The following CNTN5 variants were observed in gnomAD, a reference collection of about 807,000 sequenced individuals.
The protein encoded by CNTN5 is contactin-5.
Under a neutral mutation model 129.1 loss-of-function variants are expected in CNTN5, and 77 were observed. That is an observed-to-expected ratio of 0.60 (90% CI 0.50 to 0.72). CNTN5 has a LOEUF of 0.72. CNTN5 is among the 30% of genes least tolerant of loss of function. CNTN5 has a pLI of 0.00. For synonymous variants in CNTN5, 509 were observed against 465.6 expected (o/e 1.09, Z -1.20); for missense variants, 1,478 against 1,328.8 (o/e 1.11, Z -1.75).
intron 4 of CNTN5, 129 bp from the exon 5 acceptor site, chr11:99,844,723 T>C (rs1384279402): frequency 1.3e-6 from 1 of 795,024 alleles, no homozygotes; most frequent in Non-Finnish European, 2.0e-6. Flanking sequence ...ATTCCTTCTT[T>C]TGGGAATTTA....
At chr11:99,428,612 A>T (rs1943238804) in intron 2 of CNTN5, among the ~76,000 whole-genome samples, 1 of 151,576 alleles carries the variant, frequency 6.6e-6, no homozygotes, top group South Asian at 2.1e-4. Context: ...ATATGTATAT[A>T]TCTTTAATTG....
intron 3 of CNTN5, among the ~76,000 whole-genome samples, chr11:99,748,528 G>C (rs1944131783): frequency 6.6e-6 from 1 of 152,084 alleles, no homozygotes. Context: ...GCAAGCTGGA[G>C]AACTAGAAAA....
chr11:99,516,555 G>A lies in CNTN5; in HGVS notation c.-70-39590G>A, dbSNP rs114059858. ...CACATCCACACACATACATGCTTAC[G>A]CACGGGCACACAATCCAAACTGAGA... On this transcript the variant is annotated intron_variant, in intron 2 of 24. Transcript: ENST00000524871. Among the ~76,000 whole-genome samples the A allele has an allele frequency of 8.5e-3, 1,291 of 152,136 alleles. 20 individuals are homozygous for A. Among genetic ancestry groups the A allele is most frequent in the African/African-American group, 0.029 (1,222 of 41,512 alleles).
intron 2 of CNTN5, among the ~76,000 whole-genome samples, chr11:99,333,045 A>G (rs948988497): frequency 7.2e-5 from 11 of 152,076 alleles, no homozygotes; most frequent in Non-Finnish European, 1.5e-4. Context: ...AGCATAATAA[A>G]TTGTCCAAAA....
At chr11:99,372,900 C>T (rs1293738022) in intron 2 of CNTN5, among the ~76,000 whole-genome samples, 1 of 152,154 alleles carries the variant, frequency 6.6e-6, no homozygotes, top group South Asian at 2.1e-4. Flanking sequence ...GAGAGATAAA[C>T]CAGTTGAAAT....
chr11:99,254,728 A>G (rs1417999804), intron 1 of CNTN5, among the ~76,000 whole-genome samples: 1 of 152,000 alleles, frequency 6.6e-6, no homozygotes, highest in Non-Finnish European at 1.5e-5. Flanking sequence ...AAATCAACAG[A>G]TTTTAATAAT....
chr11:99,864,363 G>A (rs1294452009), intron 6 of CNTN5, among the ~76,000 whole-genome samples: 18 of 151,696 alleles, frequency 1.2e-4, no homozygotes, highest in Admixed American at 1.2e-3. Flanking sequence ...CTCTGCTATC[G>A]TCCTGCCACT....
intron 23 of CNTN5, among the ~76,000 whole-genome samples, chr11:100,348,966 T>C (rs1235575536): frequency 6.6e-6 from 1 of 152,020 alleles, no homozygotes. Flanking sequence ...TGTAGTACTA[T>C]GCCTGGCCTG....
chr11:99,399,335 A>G (rs1941683153), intron 2 of CNTN5, among the ~76,000 whole-genome samples: 1 of 151,834 alleles, frequency 6.6e-6, no homozygotes, highest in Non-Finnish European at 1.5e-5. Context: ...CTAAATTATG[A>G]GATCCTTGTT....
intron 3 of CNTN5, among the ~76,000 whole-genome samples, chr11:99,727,378 T>C (rs6590291): frequency 0.5 from 72,594 of 145,620 alleles, 18,696 homozygotes; most frequent in South Asian, 0.69. Flanking sequence ...AGAATATTGT[T>C]ATGAAATAAA....
intron 1 of CNTN5, among the ~76,000 whole-genome samples, chr11:99,035,313 C>G (rs1863656946): frequency 6.6e-6 from 1 of 151,044 alleles, no homozygotes; most frequent in South Asian, 2.1e-4. Flanking sequence ...GAGTTCAATT[C>G]CTGGGTATCC....
rs904753003 is a variant in CNTN5 at position 100,070,567 on chromosome 11, T to C, written c.1299+7T>C. 9 of 1,612,110 alleles carry C rather than the reference T, an allele frequency of 5.6e-6. No homozygotes were observed. Among genetic ancestry groups the C allele is most frequent in the Non-Finnish European group, 7.6e-6 (9 of 1,178,954 alleles). ...AGTACCCCTCTCACCTCAGGTACTGTTGGGAGTTATTAACCTGTTCTGCTG... is the reference window on the plus strand; with the variant it reads ...AGTACCCCTCTCACCTCAGGTACTGCTGGGAGTTATTAACCTGTTCTGCTG... On this transcript the variant is annotated splice_region_variant and intron_variant, in intron 11 of 24. Transcript: ENST00000524871.
chr11:99,692,980 G>A (rs1386520623), intron 3 of CNTN5, among the ~76,000 whole-genome samples: 1 of 152,124 alleles, frequency 6.6e-6, no homozygotes, highest in African/African-American at 2.4e-5. Context: ...CAGAGTTGGT[G>A]ATTGGGCGTG....
chr11:99,126,604 G>A (rs185548041), intron 1 of CNTN5, among the ~76,000 whole-genome samples: 1,640 of 152,230 alleles, frequency 0.011, 12 homozygotes, highest in Middle Eastern at 0.024. Context: ...TGGGGTTGGG[G>A]AAAAAGTCCT....
At chr11:99,132,805 G>C (rs1346181802) in intron 1 of CNTN5, among the ~76,000 whole-genome samples, 1 of 152,118 alleles carries the variant, frequency 6.6e-6, no homozygotes, top group Admixed American at 6.6e-5. Flanking sequence ...GGAAGAATCA[G>C]TATCATGAAA....
chr11:99,147,953 T>A (rs1859866822), intron 1 of CNTN5, among the ~76,000 whole-genome samples: 1 of 152,064 alleles, frequency 6.6e-6, no homozygotes, highest in Non-Finnish European at 1.5e-5. Context: ...TTTTATGGAA[T>A]GATTTATACA....
Position 99,744,543 on chromosome 11 carries a change from T to TAAAAAAAAAAA in CNTN5, c.56-74981_56-74971dup, listed in dbSNP as rs553540845. Among the ~76,000 whole-genome samples, 19 of 37,494 alleles carry TAAAAAAAAAAA rather than the reference T, an allele frequency of 5.1e-4. 1 individual carries two copies. Among genetic ancestry groups the TAAAAAAAAAAA allele is most frequent in the South Asian group, 1.7e-3 (1 of 606 alleles). 24.6% of individuals were successfully genotyped at this position (37,494 alleles called of 152,430 possible). Reference sequence around the variant, plus strand: ...GCAAAACCCCGTCTCTACAAAAAGTTAAAAAAAAAAAAAAAAAAAAAAAAA... The same window carrying TAAAAAAAAAAA: ...GCAAAACCCCGTCTCTACAAAAAGTTAAAAAAAAAAAAAAAAAAAAAAAAAAAAAAAAAAAA... On this transcript the variant is annotated intron_variant, in intron 3 of 24. Transcript: ENST00000524871.
At position 99,493,313 on chromosome 11, in the gene CNTN5, T is replaced by C. The variant is rs112208842; in HGVS notation, c.-70-62832T>C. Among the ~76,000 whole-genome samples the C allele has an allele frequency of 2.1e-3, 322 of 152,348 alleles. 3 individuals carry two copies. The highest frequency in any genetic ancestry group is 7.3e-3 in the African/African-American group (305 of 41,588). ...TCAAAAGATGAAGTCAGCATAATGATTACAATTAATCTTAGTAAATGCTAA... is the reference window on the plus strand; with the variant it reads ...TCAAAAGATGAAGTCAGCATAATGACTACAATTAATCTTAGTAAATGCTAA... On this transcript the variant is annotated intron_variant, in intron 2 of 24. Coordinates refer to ENST00000524871, the MANE Select transcript of CNTN5 (RefSeq NM_014361.4).
At chr11:99,226,031 G>C (rs17133291) in intron 1 of CNTN5, among the ~76,000 whole-genome samples, 2,643 of 152,164 alleles carry the variant, frequency 0.017, 42 homozygotes, top group African/African-American at 0.038. Context: ...TGAAGTCATC[G>C]TACAAATAAG....
Sources: gnomAD v4.1 joint callset for allele counts (sites outside exome capture counted in the v4.1 genomes callset) on GRCh38, gnomAD v4.1.1 for gene constraint, MANE v1.5 for transcripts, NCBI Gene and HGNC (gene_info 2026-07-23, HGNC 2026-07-21) for gene names.